Variants in DPP10 observed in about 807,000 individuals in gnomAD.
DPP10 encodes dipeptidyl peptidase like 10, also known as inactive dipeptidyl peptidase 10.
A neutral mutation model predicts 120.9 loss-of-function variants in DPP10; 33 were observed. That is an observed-to-expected ratio of 0.27 (90% CI 0.21 to 0.37). The LOEUF is 0.37. Ranked by LOEUF, DPP10 falls within the 10% of genes least tolerant of loss-of-function variation. DPP10 has a pLI of 1.00. For synonymous variants in DPP10, 337 were observed against 326.1 expected, an observed-to-expected ratio of 1.03 and a Z score of -0.36; for missense variants, 816 against 942.8, an observed-to-expected ratio of 0.87 and a Z score of 1.76.
intron 3 of DPP10, among the ~76,000 whole-genome samples, chr2:115,371,218 A>T (rs1280861651): frequency 6.6e-6 from 1 of 152,064 alleles, no homozygotes; most frequent in Admixed American, 6.6e-5. Context: ...TGTGAATTTT[A>T]AATTTTACAT....
intron 1 of DPP10, among the ~76,000 whole-genome samples, chr2:114,568,704 A>G (rs931292964): frequency 1.3e-5 from 2 of 152,248 alleles, no homozygotes; most frequent in Admixed American, 6.5e-5. Context: ...AAACGCGATC[A>G]TATTTAGTTT....
chr2:114,689,616 T>G (rs1335040799), intron 1 of DPP10, among the ~76,000 whole-genome samples: 1 of 152,190 alleles, frequency 6.6e-6, no homozygotes, highest in East Asian at 1.9e-4. Context: ...GATTGCTGGG[T>G]CAAATAGTAT....
At chr2:114,462,184 G>A (rs2104570561) in intron 1 of DPP10, 1 of 982,854 alleles carries the variant, frequency 1.0e-6, no homozygotes, top group East Asian at 1.1e-4. Flanking sequence ...TCTTAGAATA[G>A]TTTGATATTT....
intron 3 of DPP10, among the ~76,000 whole-genome samples, chr2:115,430,624 T>G (rs1460796904): frequency 1.3e-5 from 2 of 152,098 alleles, no homozygotes; most frequent in African/African-American, 4.8e-5. Context: ...AATTAGAAAA[T>G]ATTCCTCCTT....
chr2:114,532,296 T>TATATATATATATATAC (rs1342125338), intron 1 of DPP10, among the ~76,000 whole-genome samples: 31 of 74,746 alleles, frequency 4.1e-4, no homozygotes, highest in African/African-American at 1.1e-3. Flanking sequence ...TATATATATA[T>TATATATATATATATAC]ACACACACAC....
chr2:114,449,705 C>T (rs1678151101), intron 1 of DPP10, among the ~76,000 whole-genome samples: 1 of 151,992 alleles, frequency 6.6e-6, no homozygotes, highest in African/African-American at 2.4e-5. Context: ...AAATTATCTG[C>T]CCAAACAAAA....
At chr2:115,553,248 AT>A (rs1243806103) in intron 5 of DPP10, among the ~76,000 whole-genome samples, 2 of 152,054 alleles carry the variant, frequency 1.3e-5, no homozygotes, top group Non-Finnish European at 2.9e-5. Flanking sequence ...CTTGGTATAA[AT>A]TATGGAATTA....
rs187950114 is a variant in DPP10 at position 115,217,712 on chromosome 2, C to T, written c.61-91527C>T. ...GAAAATTAAGCTTTTTGGAAAATCA[C>T]ACCATTGCGGTTGGTACTGATTGCT... On this transcript the variant is annotated intron_variant, in intron 1 of 25. Transcript: ENST00000410059. Among the ~76,000 whole-genome samples, 5 of 152,290 alleles carry T rather than the reference C, an allele frequency of 3.3e-5. No homozygotes were observed. The South Asian group carries it at 1.0e-3, about 32-fold the overall frequency.
chr2:115,156,826 A>C (rs928364827), intron 1 of DPP10, among the ~76,000 whole-genome samples: 7 of 152,234 alleles, frequency 4.6e-5, no homozygotes, highest in African/African-American at 1.7e-4. Context: ...TCCTCCATAC[A>C]TAGCAACCTC....
rs70941095 is a variant in DPP10, at chr2:115,735,684, A to ATTTTT, written c.698-4031_698-4027dup. ...TACAGGTGCCCACCACGCCCAGCTA[A>ATTTTT]TTTTTTTTTTTTTTTTTTTTTTTTT... is the stretch of plus-strand genomic sequence containing the variant. On this transcript the variant is annotated intron_variant, in intron 8 of 25. Transcript: ENST00000410059. Among the ~76,000 whole-genome samples the ATTTTT allele has an allele frequency of 9.6e-5, 6 of 62,460 alleles. 1 individual carries two copies. Among genetic ancestry groups the ATTTTT allele is most frequent in the African/African-American group, 1.4e-4 (2 of 13,964 alleles). The allele number at this position is 62,460 out of a possible 152,430, so 41.0% of individuals were successfully genotyped here.
intron 1 of DPP10, among the ~76,000 whole-genome samples, chr2:114,794,430 A>T (rs939420141): frequency 2.0e-5 from 3 of 152,200 alleles, no homozygotes; most frequent in Non-Finnish European, 4.4e-5. Context: ...GTTCCGTTCC[A>T]TTGTTTTTGC....
rs1559366613 is a variant in DPP10 at position 115,286,501 on chromosome 2, T to TA, written c.61-22737dup. On this transcript the variant is annotated intron_variant, in intron 1 of 25. Coordinates refer to ENST00000410059, the MANE Select transcript of DPP10 (RefSeq NM_020868.6). ...ATGTAATATATATATAATATATATA[T>TA]ATTACATATATAATATATATATATA... Among the ~76,000 whole-genome samples, 2 of 53,256 alleles carry TA rather than the reference T, an allele frequency of 3.8e-5. 1 individual carries two copies. Among genetic ancestry groups the TA allele is most frequent in the Non-Finnish European group, 8.2e-5 (2 of 24,340 alleles). The allele number at this position is 53,256 out of a possible 152,430, so 34.9% of individuals were successfully genotyped here. A position where few individuals can be genotyped will look rare whatever the true frequency, so the allele number is the denominator to read the frequency against.
intron 1 of DPP10, among the ~76,000 whole-genome samples, chr2:115,289,102 G>T (rs1372569292): frequency 6.6e-6 from 1 of 152,046 alleles, no homozygotes; most frequent in Non-Finnish European, 1.5e-5. Flanking sequence ...AAAGGCTCGG[G>T]TTACAAAATC....
chr2:115,004,211 C>T (rs1701647318), intron 1 of DPP10, among the ~76,000 whole-genome samples: 1 of 152,120 alleles, frequency 6.6e-6, no homozygotes, highest in Admixed American at 6.6e-5. Context: ...ATGGTCCAAA[C>T]ATACAGTTTG....
intron 1 of DPP10, among the ~76,000 whole-genome samples, chr2:115,056,754 A>G (rs1480789979): frequency 6.6e-6 from 1 of 152,162 alleles, no homozygotes; most frequent in Non-Finnish European, 1.5e-5. Context: ...AAGGAGTGGG[A>G]CTCCAAGACA....
chr2:115,565,144 T>C (rs1702245779), intron 5 of DPP10, among the ~76,000 whole-genome samples: 1 of 152,198 alleles, frequency 6.6e-6, no homozygotes, highest in Admixed American at 6.5e-5. Flanking sequence ...CGTAAGTATG[T>C]GTGTATATAT....
chr2:115,224,455 T>C (rs1166879745), intron 1 of DPP10, among the ~76,000 whole-genome samples: 1 of 152,096 alleles, frequency 6.6e-6, no homozygotes, highest in Non-Finnish European at 1.5e-5. Context: ...TTCTCTAAGT[T>C]TCCTCATATA....
intron 1 of DPP10, among the ~76,000 whole-genome samples, chr2:115,056,769 A>T (rs1705954997): frequency 1.3e-5 from 2 of 152,224 alleles, no homozygotes; most frequent in Non-Finnish European, 2.9e-5. Context: ...AAGACAGAAG[A>T]TGTGAGTGAA....
intron 1 of DPP10, among the ~76,000 whole-genome samples, chr2:114,449,235 A>G (rs1418187869): frequency 6.6e-6 from 1 of 152,134 alleles, no homozygotes; most frequent in Non-Finnish European, 1.5e-5. Flanking sequence ...CCTTGCCTTT[A>G]TGAATGTTCT....
Sources: gnomAD v4.1 joint callset for allele counts (sites outside exome capture counted in the v4.1 genomes callset) on GRCh38, gnomAD v4.1.1 for gene constraint, MANE v1.5 for transcripts, NCBI Gene and HGNC (gene_info 2026-07-23, HGNC 2026-07-21) for gene names.